DNAH6: variants seen among roughly 807,000 people sequenced by gnomAD.
DNAH6 encodes the protein axonemal beta dynein heavy chain 6.
DNAH6 carries 340 observed loss-of-function variants against 491.4 expected under a neutral mutation model. The observed-to-expected ratio is 0.69, with a 90% CI of 0.63 to 0.76. The LOEUF (loss-of-function observed/expected upper bound fraction) is 0.76. Ranked by LOEUF, DNAH6 falls within the 30% of genes least tolerant of loss-of-function variation. The pLI is 0.00. For missense variants in DNAH6, 4,443 were observed against 4,972.2 expected, an observed-to-expected ratio of 0.89 and a Z score of 3.20; for synonymous variants, 1,603 against 1,686.1, an observed-to-expected ratio of 0.95 and a Z score of 1.21.
the DNAH6 span, among the ~76,000 whole-genome samples, chr2:84,485,249 G>A: frequency 2.0e-5 from 3 of 152,090 alleles, no homozygotes; most frequent in Admixed American, 6.6e-5. Flanking sequence ...AAGAATTAGC[G>A]TATTAGTCTA....
intron 59 of DNAH6, among the ~76,000 whole-genome samples, chr2:84,719,307 T>A (rs1697857691): frequency 6.6e-6 from 1 of 152,228 alleles, no homozygotes; most frequent in Non-Finnish European, 1.5e-5. Flanking sequence ...TTGGGTTTTT[T>A]ATTTTTTTAT....
intron 71 of DNAH6, among the ~76,000 whole-genome samples, chr2:84,808,024 A>G (rs1173090536): frequency 1.3e-5 from 2 of 152,222 alleles, no homozygotes; most frequent in Admixed American, 1.3e-4. Context: ...GCCATAGATC[A>G]CATAGCTCAC....
the DNAH6 span, among the ~76,000 whole-genome samples, chr2:84,509,725 T>C: frequency 6.6e-6 from 1 of 152,184 alleles, no homozygotes; most frequent in African/African-American, 2.4e-5. Flanking sequence ...GTTGTTCCTT[T>C]CTATGTTTAG....
At chr2:84,597,015 A>G (rs1020513307) in intron 18 of DNAH6, among the ~76,000 whole-genome samples, 1 of 152,226 alleles carries the variant, frequency 6.6e-6, no homozygotes, top group African/African-American at 2.4e-5. Context: ...AATGTATCCA[A>G]TACAATAGTA....
rs551685390 is a variant in DNAH6, at chr2:84,793,392, G to A, written c.11240-2914G>A. Among the ~76,000 whole-genome samples, 10 of 152,296 alleles carry A rather than the reference G, an allele frequency of 6.6e-5. No homozygotes were observed. The South Asian group carries it at 8.3e-4, about 13-fold the overall frequency. ...TAGAGTCAAATCTGGATGGAGAAGC[G>A]CAAAATCTGTTGATTTGTAAGGAAA... On this transcript the variant is annotated intron_variant, in intron 68 of 76. Coordinates refer to ENST00000389394, the MANE Select transcript of DNAH6 (RefSeq NM_001370.2).
chr2:84,487,773 C>T, the DNAH6 span, among the ~76,000 whole-genome samples: 1 of 152,164 alleles, frequency 6.6e-6, no homozygotes, highest in Non-Finnish European at 1.5e-5. Flanking sequence ...AGAGCAAGGG[C>T]AGGCCCCTTT....
At chr2:84,531,665 G>T (rs1677183489) in intron 4 of DNAH6, among the ~76,000 whole-genome samples, 1 of 152,048 alleles carries the variant, frequency 6.6e-6, no homozygotes, top group Admixed American at 6.6e-5. Context: ...AATCATCAGG[G>T]AAAAATACAT....
At chr2:84,812,157 C>T (rs1010900081) in intron 72 of DNAH6, among the ~76,000 whole-genome samples, 184 bp from the exon 73 acceptor site, 2 of 152,216 alleles carry the variant, frequency 1.3e-5, no homozygotes, top group African/African-American at 4.8e-5. Context: ...TACACCGCAA[C>T]GGTCACGTAT....
chr2:84,781,573 G>T lies in DNAH6; in HGVS notation c.10784G>T (p.Trp3595Leu). The T allele has an allele frequency of 6.4e-7, 1 of 1,551,728 alleles. No homozygotes were observed. The highest frequency in any genetic ancestry group is 8.7e-7 in the Non-Finnish European group (1 of 1,146,910). ...MVKDAMKSGN[W>L]VFLQNCHLAV... is the part of the protein sequence containing the mutation. ...AAGGATGCAATGAAATCAGGAAACT[G>T]GGTATTTTTGCAAAATTGCCATCTT... Residue 3595 changes from tryptophan (W) to leucine (L), a missense_variant, in exon 65 of 77, where the codon TGG becomes TTG. Physicochemically the swap from Trp to Leu is moderately conservative, Grantham distance 61 (BLOSUM62 -2). Around this residue, in one of 3 missense-constraint regions of DNAH6, gnomAD observed 1,463 missense variants for 1,656.6 expected, o/e 0.88. Coordinates refer to ENST00000389394, the MANE Select transcript of DNAH6 (RefSeq NM_001370.2).
At chr2:84,722,484 G>A (rs916686083) in intron 59 of DNAH6, 141 bp from the exon 60 acceptor site, 24 of 636,382 alleles carry the variant, frequency 3.8e-5, no homozygotes, top group Admixed American at 7.4e-5. Flanking sequence ...AGACTCAGTC[G>A]TTCCACCTGG....
In DNAH6 at chr2:84,601,762, T is replaced by G. The variant is rs78708260; in HGVS notation, c.2869-2577T>G. On this transcript the variant is annotated intron_variant, in intron 18 of 76. Coordinates refer to ENST00000389394, the MANE Select transcript of DNAH6 (RefSeq NM_001370.2). ...CTACCATCTTGCTAGCTGTTTTATT[T>G]ATTCTATTGATTCTTTGTTTCTTTT... Among the ~76,000 whole-genome samples the G allele has an allele frequency of 6.3e-3, 957 of 152,104 alleles. 8 individuals are homozygous for G. Among genetic ancestry groups the G allele is most frequent in the African/African-American group, 0.022 (897 of 41,556 alleles).
intron 5 of DNAH6, among the ~76,000 whole-genome samples, chr2:84,546,153 C>T (rs1678766073): frequency 6.6e-6 from 1 of 152,120 alleles, no homozygotes; most frequent in South Asian, 2.1e-4. Context: ...CTGTTCTGTA[C>T]ATTTCACACA....
At chr2:84,697,983 CCT>C in intron 47 of DNAH6, 1 of 497,168 alleles carries the variant, frequency 2.0e-6, no homozygotes, top group Non-Finnish European at 3.6e-6. Context: ...AACTGGCCAG[CCT>C]CTCTTATTCC....
chr2:84,815,314 G>C (rs751432355), intron 75 of DNAH6, among the ~76,000 whole-genome samples: 1 of 151,866 alleles, frequency 6.6e-6, no homozygotes, highest in South Asian at 2.1e-4. Context: ...CAAAGACCTC[G>C]GGCCAGAAAT....
intron 57 of DNAH6, among the ~76,000 whole-genome samples, chr2:84,714,512 G>T (rs1011265311): frequency 5.3e-5 from 8 of 152,084 alleles, no homozygotes; most frequent in Non-Finnish European, 1.5e-5. Flanking sequence ...AATATAGTTA[G>T]ATAGACTAAA....
chr2:84,548,639 A>T (rs1474448658), intron 8 of DNAH6, among the ~76,000 whole-genome samples: 1 of 152,200 alleles, frequency 6.6e-6, no homozygotes, highest in African/African-American at 2.4e-5. Flanking sequence ...CACTTGAAAA[A>T]AAAAATGGAA....
chr2:84,738,545 T>C (rs1672221952), intron 62 of DNAH6, among the ~76,000 whole-genome samples: 1 of 152,204 alleles, frequency 6.6e-6, no homozygotes, highest in Non-Finnish European at 1.5e-5. Flanking sequence ...TACACATATA[T>C]CTAGGACACT....
At chr2:84,569,495 G>A (rs1028180955) in intron 11 of DNAH6, among the ~76,000 whole-genome samples, 1 of 151,908 alleles carries the variant, frequency 6.6e-6, no homozygotes, top group Non-Finnish European at 1.5e-5. Flanking sequence ...TCAACAAAAT[G>A]GAGAGCAAAA....
chr2:84,494,675 A>T, the DNAH6 span, among the ~76,000 whole-genome samples: 1 of 152,230 alleles, frequency 6.6e-6, no homozygotes, highest in East Asian at 1.9e-4. Flanking sequence ...AACTTTCTGA[A>T]AATTAGAACT....
Sources: gnomAD v4.1 joint callset for allele counts (sites outside exome capture counted in the v4.1 genomes callset) on GRCh38, gnomAD v4.1.1 for gene constraint, gnomAD v4.1.1 regional missense constraint, MANE v1.5 for transcripts, NCBI Gene and HGNC (gene_info 2026-07-23, HGNC 2026-07-21) for gene names.